The following MACROD2 variants were observed in gnomAD, a reference collection of about 807,000 sequenced individuals.
MACROD2 encodes the protein ADP-ribose glycohydrolase MACROD2.
A neutral mutation model predicts 70.4 loss-of-function variants in MACROD2; 36 were observed. The observed-to-expected ratio is 0.51, with a 90% CI of 0.39 to 0.68. The LOEUF (loss-of-function observed/expected upper bound fraction) is 0.68. Among genes scored for constraint, MACROD2 ranks in the 30% least tolerant of loss-of-function variants. MACROD2 has a pLI of 0.00. For synonymous variants in MACROD2, 172 were observed against 178.8 expected (o/e 0.96, Z 0.30); for missense variants, 496 against 538.4 (o/e 0.92, Z 0.78).
At chr20:14,486,719 ATG>A (rs2084739742) in intron 3 of MACROD2, among the ~76,000 whole-genome samples, 1 of 151,780 alleles carries the variant, frequency 6.6e-6, no homozygotes, top group Admixed American at 6.6e-5. Context: ...GGGTTTCACC[ATG>A]TTAGCCAGGG....
chr20:14,687,790 G>A (rs959510164), intron 5 of MACROD2, among the ~76,000 whole-genome samples: 1 of 152,166 alleles, frequency 6.6e-6, no homozygotes, highest in Admixed American at 6.6e-5. Flanking sequence ...TGGAATATTT[G>A]TGACTAGGTC....
chr20:14,790,429 C>T (rs1158708139), intron 5 of MACROD2, among the ~76,000 whole-genome samples: 1 of 151,882 alleles, frequency 6.6e-6, no homozygotes, highest in African/African-American at 2.4e-5. Context: ...GAGGTACTTC[C>T]ATAAAAGGGA....
chr20:14,439,600 T>A (rs2084097941), intron 3 of MACROD2, among the ~76,000 whole-genome samples: 1 of 152,120 alleles, frequency 6.6e-6, no homozygotes, highest in Admixed American at 6.6e-5. Context: ...AGAACTTGAA[T>A]ATGGGTTCTG....
At chr20:14,136,777 C>A (rs2054803238) in intron 3 of MACROD2, among the ~76,000 whole-genome samples, 1 of 152,126 alleles carries the variant, frequency 6.6e-6, no homozygotes, top group South Asian at 2.1e-4. Flanking sequence ...AATGTCTACC[C>A]CAGCAAACCT....
intron 6 of MACROD2, among the ~76,000 whole-genome samples, chr20:15,388,265 G>A (rs879274548): frequency 1.3e-5 from 2 of 151,794 alleles, no homozygotes; most frequent in Non-Finnish European, 2.9e-5. Flanking sequence ...AGGGAGAGAG[G>A]GAAAGAAAGT....
intron 8 of MACROD2, among the ~76,000 whole-genome samples, chr20:15,718,003 T>C (rs1440916004): frequency 1.3e-5 from 2 of 150,694 alleles, no homozygotes; most frequent in African/African-American, 4.9e-5. Context: ...CCATGTTTTT[T>C]ATTGTGTTTT....
At chr20:14,290,968 C>G (rs752505215) in intron 3 of MACROD2, among the ~76,000 whole-genome samples, 1 of 152,174 alleles carries the variant, frequency 6.6e-6, no homozygotes, top group Non-Finnish European at 1.5e-5. Context: ...AAAAATCAAA[C>G]AAATGGTCAT....
At chr20:15,519,088 TTCCTTCCTTCCTTCCTTCCTTCCTTCC>T (rs1188466180) in intron 8 of MACROD2, among the ~76,000 whole-genome samples, 1 of 147,054 alleles carries the variant, frequency 6.8e-6, no homozygotes, top group African/African-American at 2.5e-5. Context: ...CCTTCCTTCC[TTCCTTCCTTCCTTCCTTCCTTCCTTCC>T]TTCCTTTCTT....
intron 6 of MACROD2, among the ~76,000 whole-genome samples, chr20:15,282,763 C>A (rs952526738): frequency 3.9e-5 from 6 of 152,172 alleles, no homozygotes; most frequent in African/African-American, 1.4e-4. Flanking sequence ...CAAACTATTC[C>A]AACCTCTGCC....
intron 4 of MACROD2, among the ~76,000 whole-genome samples, chr20:14,598,212 A>G (rs1427725074): frequency 6.6e-6 from 1 of 152,110 alleles, no homozygotes; most frequent in Non-Finnish European, 1.5e-5. Flanking sequence ...GCTTAAGACC[A>G]TTTTGCTTAG....
At chr20:14,749,651 A>G (rs1261749819) in intron 5 of MACROD2, among the ~76,000 whole-genome samples, 1 of 152,176 alleles carries the variant, frequency 6.6e-6, no homozygotes, top group Non-Finnish European at 1.5e-5. Context: ...AACTTAGAAA[A>G]TATCAATATA....
intron 3 of MACROD2, among the ~76,000 whole-genome samples, chr20:14,366,448 T>C (rs1337773744): frequency 6.7e-6 from 1 of 150,116 alleles, no homozygotes; most frequent in East Asian, 2.0e-4. Context: ...CTCACTGCAA[T>C]CTCTGCCTCC....
intron 8 of MACROD2, among the ~76,000 whole-genome samples, chr20:15,555,828 C>CAAAAAAAAAAAAAAAAAAA (rs397838341): frequency 5.4e-4 from 10 of 18,558 alleles, no homozygotes; most frequent in African/African-American, 1.5e-3. Context: ...GACTCCATCT[C>CAAAAAAAAAAAAAAAAAAA]AAAAAAAAAA....
At chr20:15,941,068 T>C (rs535628379) in intron 12 of MACROD2, among the ~76,000 whole-genome samples, 1 of 152,308 alleles carries the variant, frequency 6.6e-6, no homozygotes, top group East Asian at 1.9e-4. Flanking sequence ...TTCTTGATGC[T>C]TTTAGGAACT....
At chr20:14,563,427 A>T (rs964680067) in intron 4 of MACROD2, among the ~76,000 whole-genome samples, 2 of 152,012 alleles carry the variant, frequency 1.3e-5, no homozygotes, top group African/African-American at 4.8e-5. Context: ...ACCACTACAT[A>T]TCTATTAGAG....
At chr20:15,026,958 G>T (rs745331866) in intron 5 of MACROD2, among the ~76,000 whole-genome samples, 2 of 152,086 alleles carry the variant, frequency 1.3e-5, no homozygotes, top group Non-Finnish European at 2.9e-5. Context: ...ATAATAACAA[G>T]ACTTAATTAA....
intron 3 of MACROD2, among the ~76,000 whole-genome samples, chr20:14,372,813 A>G (rs79189424): frequency 0.015 from 2,298 of 152,236 alleles, 53 homozygotes; most frequent in African/African-American, 0.052. Context: ...TCTAGTCCAT[A>G]TCCAGGTAGA....
chr20:15,356,102 G>A (rs1252960980), intron 6 of MACROD2, among the ~76,000 whole-genome samples: 1 of 151,608 alleles, frequency 6.6e-6, no homozygotes, highest in East Asian at 1.9e-4. Context: ...CTTTGAGCAT[G>A]GCTTACATTA....
intron 4 of MACROD2, among the ~76,000 whole-genome samples, chr20:14,655,485 TGTTTGG>T (rs1443052362): frequency 6.6e-6 from 1 of 152,118 alleles, no homozygotes; most frequent in Non-Finnish European, 1.5e-5. Context: ...GATAAAATCG[TGTTTGG>T]TCGGGTCTTG....
Sources: gnomAD v4.1 joint callset for allele counts (sites outside exome capture counted in the v4.1 genomes callset) on GRCh38, gnomAD v4.1.1 for gene constraint, MANE v1.5 for transcripts, NCBI Gene and HGNC (gene_info 2026-07-23, HGNC 2026-07-21) for gene names.